The following NLGN1 variants were observed in gnomAD, a reference collection of about 807,000 sequenced individuals.
The protein encoded by NLGN1 is neuroligin-1.
NLGN1 carries 12 observed loss-of-function variants against 65.5 expected under a neutral mutation model. The observed-to-expected ratio is 0.18, with a 90% CI of 0.12 to 0.30. The LOEUF (loss-of-function observed/expected upper bound fraction) is 0.30. NLGN1 is among the 10% of genes least tolerant of loss of function. The probability of loss-of-function intolerance (pLI) is 1.00; values close to 1 mark genes in which losing one functional copy is unlikely to be tolerated. For missense variants in NLGN1, 750 were observed against 1,007.1 expected (o/e 0.74, Z 3.46); for synonymous variants, 350 against 359.5 (o/e 0.97, Z 0.30).
chr3:173,524,062 A>C (rs1177503848), intron 2 of NLGN1, among the ~76,000 whole-genome samples: 1 of 150,056 alleles, frequency 6.7e-6, no homozygotes, highest in Non-Finnish European at 1.5e-5. Flanking sequence ...CTGGGACTAC[A>C]GGCACCCGCC....
intron 4 of NLGN1, among the ~76,000 whole-genome samples, chr3:174,063,567 A>G (rs1737855729): frequency 1.3e-5 from 2 of 152,124 alleles, no homozygotes; most frequent in African/African-American, 4.8e-5. Flanking sequence ...CAACATTTGC[A>G]CAAAGGATGA....
At chr3:173,405,659 C>A in intron 1 of NLGN1, among the ~76,000 whole-genome samples, 1 of 151,772 alleles carries the variant, frequency 6.6e-6, no homozygotes, top group South Asian at 2.1e-4. Flanking sequence ...TCTATTTGCC[C>A]TCCAATTATG....
chr3:174,043,830 C>A (rs537614145), intron 4 of NLGN1, among the ~76,000 whole-genome samples: 2 of 152,194 alleles, frequency 1.3e-5, no homozygotes, highest in Non-Finnish European at 2.9e-5. Flanking sequence ...CCAGTGGGGA[C>A]GCTGTGTGGA....
At chr3:173,498,796 G>A (rs1730483711) in intron 2 of NLGN1, among the ~76,000 whole-genome samples, 1 of 151,826 alleles carries the variant, frequency 6.6e-6, no homozygotes, top group African/African-American at 2.4e-5. Flanking sequence ...TCATTTCTCT[G>A]ATGGCCAGTG....
chr3:174,276,370 G>C (rs1750578472), intron 5 of NLGN1, among the ~76,000 whole-genome samples: 1 of 151,782 alleles, frequency 6.6e-6, no homozygotes, highest in Non-Finnish European at 1.5e-5. Context: ...AAGAACAGAA[G>C]AGTATTGTTG....
At chr3:173,749,128 G>C (rs1053409528) in intron 3 of NLGN1, among the ~76,000 whole-genome samples, 3 of 152,030 alleles carry the variant, frequency 2.0e-5, no homozygotes, top group African/African-American at 7.2e-5. Flanking sequence ...ATTTGATTAA[G>C]TGTACAAACT....
At chr3:173,878,652 A>G (rs759515591) in intron 4 of NLGN1, among the ~76,000 whole-genome samples, 49 of 140,294 alleles carry the variant, frequency 3.5e-4, no homozygotes, top group African/African-American at 1.2e-3. Flanking sequence ...ATATATGTGT[A>G]TATATATATA....
At chr3:174,147,521 C>T (rs1194222191) in intron 4 of NLGN1, among the ~76,000 whole-genome samples, 5 of 142,854 alleles carry the variant, frequency 3.5e-5, no homozygotes, top group Non-Finnish European at 7.5e-5. Context: ...GCAACCTCCA[C>T]TTCCTGGGTT....
chr3:173,525,687 T>G (rs1226594272), intron 2 of NLGN1, among the ~76,000 whole-genome samples: 1 of 152,128 alleles, frequency 6.6e-6, no homozygotes, highest in Non-Finnish European at 1.5e-5. Flanking sequence ...GTTGCAACAT[T>G]AGGCTGTTAA....
chr3:174,128,774 C>G (rs962424607), intron 4 of NLGN1, among the ~76,000 whole-genome samples: 3 of 152,084 alleles, frequency 2.0e-5, no homozygotes, highest in African/African-American at 7.2e-5. Context: ...AGGCTGGGTT[C>G]TTTAGATATG....
rs533457948 is a variant in NLGN1 at position 173,785,879 on chromosome 3, G to A, written c.494-21801G>A. 8.5e-5 allele frequency among the ~76,000 whole-genome samples: 13 copies of A among 152,208 alleles called. No homozygotes were observed. The East Asian group carries it at 1.4e-3, about 16-fold the overall frequency. ...ACATTTCCATCTGTTGTGCCTCATAGCTAAGCATGTACACAATGTGATAAA... is the reference window on the plus strand; with the variant it reads ...ACATTTCCATCTGTTGTGCCTCATAACTAAGCATGTACACAATGTGATAAA... On this transcript the variant is annotated intron_variant, in intron 3 of 6. Transcript: ENST00000457714.
chr3:173,424,741 G>T (rs1225559191), intron 1 of NLGN1, among the ~76,000 whole-genome samples: 1 of 152,122 alleles, frequency 6.6e-6, no homozygotes, highest in African/African-American at 2.4e-5. Context: ...TTTTCATATC[G>T]CTATCAGCAT....
At chr3:173,613,012 G>A (rs112968186) in intron 3 of NLGN1, among the ~76,000 whole-genome samples, 8 of 152,162 alleles carry the variant, frequency 5.3e-5, no homozygotes, top group African/African-American at 1.2e-4. Context: ...TGACCTCAAC[G>A]TAATTAATTA....
At chr3:173,895,890 G>T (rs1003162611) in intron 4 of NLGN1, among the ~76,000 whole-genome samples, 1 of 151,848 alleles carries the variant, frequency 6.6e-6, no homozygotes, top group African/African-American at 2.4e-5. Flanking sequence ...GGGTTTTGCC[G>T]TGTTGGTCAG....
intron 1 of NLGN1, among the ~76,000 whole-genome samples, chr3:173,429,072 T>A (rs1408345410): frequency 3.9e-5 from 6 of 152,164 alleles, no homozygotes; most frequent in Non-Finnish European, 7.4e-5. Context: ...TACTATTTTT[T>A]AAATAAGTTT....
intron 4 of NLGN1, among the ~76,000 whole-genome samples, chr3:174,164,614 G>A (rs1219740924): frequency 6.6e-6 from 1 of 152,054 alleles, no homozygotes; most frequent in Admixed American, 6.6e-5. Context: ...ATTAAATAGG[G>A]AGTCATTTCT....
chr3:173,873,090 AT>A (rs71702635), intron 4 of NLGN1, among the ~76,000 whole-genome samples: 2,836 of 141,028 alleles, frequency 0.02, 38 homozygotes, highest in Middle Eastern at 0.04. Context: ...TGTATGATGG[AT>A]TTTTTTTTTT....
chr3:174,208,036 C>G (rs564391761), intron 4 of NLGN1, among the ~76,000 whole-genome samples: 1 of 152,222 alleles, frequency 6.6e-6, no homozygotes, highest in South Asian at 2.1e-4. Context: ...AAAAGCAAAT[C>G]AATTTATTTT....
chr3:173,639,443 G>T (rs1449248835), intron 3 of NLGN1, among the ~76,000 whole-genome samples: 6 of 152,218 alleles, frequency 3.9e-5, no homozygotes, highest in Non-Finnish European at 7.3e-5. Context: ...TAGCCTTTCA[G>T]CCTTCTCTGG....
Sources: gnomAD v4.1 joint callset for allele counts (sites outside exome capture counted in the v4.1 genomes callset) on GRCh38, gnomAD v4.1.1 for gene constraint, MANE v1.5 for transcripts, NCBI Gene and HGNC (gene_info 2026-07-23, HGNC 2026-07-21) for gene names.